Variants in CACNA1G observed in about 807,000 individuals in gnomAD.
The protein encoded by CACNA1G is calcium voltage-gated channel subunit alpha1 G.
Under a neutral mutation model 219.4 loss-of-function variants are expected in CACNA1G, and 67 were observed. The observed-to-expected ratio is 0.31, with a 90% CI of 0.25 to 0.37. CACNA1G has a LOEUF of 0.37. CACNA1G is among the 10% of genes least tolerant of loss of function. The pLI is 1.00. For synonymous variants in CACNA1G, 1,296 were observed against 1,345.3 expected (o/e 0.96, Z 0.80); for missense variants, 2,380 against 3,231.4 (o/e 0.74, Z 6.39).
chr17:50,624,321 C>A, intron 36 of CACNA1G, 39 bp from the exon 37 acceptor site: 3 of 1,411,866 alleles, frequency 2.1e-6, no homozygotes, highest in South Asian at 2.5e-5. Context: ...CAGCTCCATT[C>A]TCTCCCCCCA....
At position 50,617,589 on chromosome 17, in the gene CACNA1G, G is replaced by A. The variant is rs375353165; in HGVS notation, c.5155+18G>A. The A allele has an allele frequency of 8.1e-6, 13 of 1,612,504 alleles. No individual in the cohort carries two copies. The highest frequency in any genetic ancestry group is 1.6e-4 in the Middle Eastern group (1 of 6,082). The stretch of plus-strand genomic sequence containing the variant: ...TGCCCGAGGTTGGTGCCCAGCCCAC[G>A]CACCTGCCCTCCTAGGGTGACCAGC... On this transcript the variant is annotated intron_variant, in intron 29 of 37. Transcript: ENST00000359106. This position sits in a 1 kb window ranked among gnomAD's most constrained non-coding sequence, Gnocchi z 5.8.
At chr17:50,606,602 G>A (rs1453219982) in intron 23 of CACNA1G, 2 of 543,780 alleles carry the variant, frequency 3.7e-6, no homozygotes, top group African/African-American at 3.8e-5. Context: ...TGCTCGCTCA[G>A]TTTTGATTCC....
At chr17:50,624,324 T>TGCCCCCCCCCCCCCCCCCCGGGCCCC in intron 36 of CACNA1G, 36 bp from the exon 37 acceptor site, 1 of 1,177,664 alleles carries the variant, frequency 8.5e-7, no homozygotes, top group Non-Finnish European at 1.2e-6. Context: ...CTCCATTCTC[T>TGCCCCCCCCCCCCCCCCCCGGGCCCC]CCCCCCACCC....
chr17:50,569,602 C>A, intron 3 of CACNA1G, 104 bp from the exon 4 acceptor site: 1 of 812,430 alleles, frequency 1.2e-6, no homozygotes. Context: ...AAGAAGGAGT[C>A]AGAGGTCATC....
At position 50,561,242 on chromosome 17, in the gene CACNA1G, C is replaced by G. The variant is rs977020611; in HGVS notation, c.-218C>G. ...AGGGGCGCAGGGGAAGCGGGACTCG[C>G]GCCGGGCGGGGTTTCCCTGCGCCCC... On this transcript the variant is annotated 5_prime_UTR_variant, in exon 1 of 38. Coordinates refer to ENST00000359106, the MANE Select transcript of CACNA1G (RefSeq NM_018896.5). The G allele has an allele frequency of 1.8e-6, 1 of 552,098 alleles. No individual in the cohort carries two copies. 34.2% of individuals were successfully genotyped at this position (552,098 alleles called of 1,614,324 possible).
chr17:50,626,590 C>A lies in CACNA1G; in HGVS notation c.6973C>A (p.Pro2325Thr), dbSNP rs747212445. ...PPESQGPRTPPSPGICLRRRA... is the reference protein window; with the variant it reads ...PPESQGPRTPTSPGICLRRRA... ...CGAGAGCCAAGGTCCTCGGACCCCG[C>A]CCAGCCCTGGTATCTGCCTCCGGAG... Residue 2325 changes from proline (P) to threonine (T), a missense_variant, in exon 38 of 38, where the codon CCC becomes ACC. Physicochemically the swap from Pro to Thr is conservative, Grantham distance 38. Around this residue, in one of 17 missense-constraint regions of CACNA1G, gnomAD observed 672 missense variants for 670.5 expected, o/e 1.00. Transcript: ENST00000359106. The surrounding 1 kb of genome is among the most constrained non-coding windows in gnomAD (Gnocchi z 4.3). 2.5e-6 allele frequency: 4 copies of A among 1,611,814 alleles called. No individual in the cohort carries two copies. In the South Asian group the frequency reaches 4.4e-5, roughly 18 times the overall value.
chr17:50,592,140 TCCAATTGGCTG>T lies in CACNA1G; in HGVS notation c.2910+51_2910+61del, dbSNP rs1316657368. The T allele has an allele frequency of 1.9e-6, 3 of 1,554,026 alleles. No homozygotes were observed. The African/African-American group carries it at 4.1e-5, about 21-fold the overall frequency. ...TCACCCTGCCCACAGCAGTCCCACTTCCAATTGGCTGCCTGTCTTGAGCCTCCTCCCTCTGT... is the reference window on the plus strand; with the variant it reads ...TCACCCTGCCCACAGCAGTCCCACTTCCTGTCTTGAGCCTCCTCCCTCTGT... On this transcript the variant is annotated intron_variant, in intron 13 of 37. Transcript: ENST00000359106.
chr17:50,582,735 T>C (rs532207223), intron 9 of CACNA1G, among the ~76,000 whole-genome samples: 1 of 151,710 alleles, frequency 6.6e-6, no homozygotes, highest in East Asian at 2.0e-4. Context: ...CAGGTGCTAG[T>C]CTAATGTTCT....
intron 28 of CACNA1G, 40 bp downstream of exon 28, chr17:50,616,424 A>T: frequency 2.6e-6 from 3 of 1,171,270 alleles, no homozygotes; most frequent in Non-Finnish European, 3.8e-6. Flanking sequence ...TTGCGTAGAG[A>T]TAGAAAGGAA....
At chr17:50,591,282 G>T (rs1161049037) in intron 10 of CACNA1G, among the ~76,000 whole-genome samples, 153 bp from the exon 11 acceptor site, 1 of 152,170 alleles carries the variant, frequency 6.6e-6, no homozygotes. Context: ...TATCTTGGAG[G>T]CTCCTGCTTA....
rs2050855894 is a variant in CACNA1G, at chr17:50,617,601, C to T, written c.5155+30C>T. 2.5e-6 allele frequency: 4 copies of T among 1,608,624 alleles called. No homozygotes were observed. The highest frequency in any genetic ancestry group is 1.1e-5 in the South Asian group (1 of 90,556). ...GTGCCCAGCCCACGCACCTGCCCTC[C>T]TAGGGTGACCAGCCCAGGGAGAGAG... On this transcript the variant is annotated intron_variant, in intron 29 of 37. Transcript: ENST00000359106. This position sits in a 1 kb window ranked among gnomAD's most constrained non-coding sequence, Gnocchi z 5.8.
Position 50,578,260 on chromosome 17 carries a change from G to A in CACNA1G, c.1997G>A (p.Ser666Asn), listed in dbSNP as rs757313737. ...KADSGACGPD[S>N]CPYCARAGAG... ...GACAGTGGAGCCTGTGGTCCAGACA[G>A]CTGCCCCTACTGTGCCCGGGCCGGG... Residue 666 changes from serine to asparagine, a missense_variant, in exon 9 of 38, where the codon AGC becomes AAC. Coordinates refer to ENST00000359106, the MANE Select transcript of CACNA1G (RefSeq NM_018896.5). The surrounding 1 kb of genome is among the most constrained non-coding windows in gnomAD (Gnocchi z 4.5). The A allele has an allele frequency of 1.2e-6, 2 of 1,612,492 alleles. No homozygotes were observed. The highest frequency in any genetic ancestry group is 1.7e-6 in the Non-Finnish European group (2 of 1,179,512).
intron 23 of CACNA1G, 75 bp downstream of exon 23, chr17:50,606,098 T>C (rs2047899305): frequency 6.3e-7 from 1 of 1,588,462 alleles, no homozygotes; most frequent in East Asian, 2.2e-5. Context: ...TAGTGATACC[T>C]GCTGACTCCG....
chr17:50,594,636 C>T (rs180997079), intron 13 of CACNA1G, among the ~76,000 whole-genome samples: 2 of 152,262 alleles, frequency 1.3e-5, no homozygotes, highest in African/African-American at 4.8e-5. Flanking sequence ...GATCCTGGAA[C>T]CCACTTCCTA....
Position 50,623,605 on chromosome 17 carries a change from A to G in CACNA1G, c.6061-302A>G, listed in dbSNP as rs57124579. On this transcript the variant is annotated intron_variant, in intron 35 of 37. Transcript: ENST00000359106. ...GATACCTCCCCGCCCCTCCACCACC[A>G]CAGTGGGAGCTTAAAGGTGATACAA... 0.051 allele frequency among the ~76,000 whole-genome samples: 7,709 copies of G among 151,606 alleles called. 297 individuals carry two copies. The highest frequency in any genetic ancestry group is 0.096 in the African/African-American group (3,976 of 41,322).
rs1048428374 is a variant in CACNA1G at position 50,561,366 on chromosome 17, C to T, written c.-94C>T. 6 of 1,497,938 alleles carry T rather than the reference C, an allele frequency of 4.0e-6. No individual in the cohort carries two copies. The African/African-American group carries it at 5.6e-5, about 14-fold the overall frequency. The allele number at this position is 1,497,938 out of a possible 1,614,324, so 92.8% of individuals were successfully genotyped here. A position where few individuals can be genotyped will look rare whatever the true frequency, so the allele number is the denominator to read the frequency against. On this transcript the variant is annotated 5_prime_UTR_variant, in exon 1 of 38. Transcript: ENST00000359106. ...GCGCCCTAGAGCCCACCAGATGTGC[C>T]CCCGCCGGGGCCCCCGGGTTGCGTG...
In CACNA1G at chr17:50,602,991, C is replaced by T. The variant is rs771497003; in HGVS notation, c.3985-24C>T. 3.3e-5 allele frequency: 53 copies of T among 1,609,546 alleles called. No individual in the cohort carries two copies. The Admixed American group carries it at 7.3e-4, about 22-fold the overall frequency. On this transcript the variant is annotated intron_variant, in intron 20 of 37. Coordinates refer to ENST00000359106, the MANE Select transcript of CACNA1G (RefSeq NM_018896.5). ...TTGGCTGCAGCGCAGGGAGGGCGGCCGATGACGTGGCGGTGGTCCCCAGGT... is the reference window on the plus strand; with the variant it reads ...TTGGCTGCAGCGCAGGGAGGGCGGCTGATGACGTGGCGGTGGTCCCCAGGT...
chr17:50,590,439 C>G (rs777669417), intron 9 of CACNA1G, 32 bp from the exon 10 acceptor site: 146 of 1,611,924 alleles, frequency 9.1e-5, no homozygotes, highest in Non-Finnish European at 1.2e-4. Flanking sequence ...CAGTGATAAG[C>G]CAGCTGCCTC....
chr17:50,590,347 C>A, intron 9 of CACNA1G, 124 bp from the exon 10 acceptor site: 1 of 1,097,330 alleles, frequency 9.1e-7, no homozygotes, highest in Non-Finnish European at 1.3e-6. Flanking sequence ...CCTGAGCATC[C>A]AGCAACCCCT....
Sources: allele counts gnomAD v4.1 joint callset (sites outside exome capture counted in the v4.1 genomes callset), GRCh38; gene constraint gnomAD v4.1.1; regional missense constraint gnomAD v4.1.1; non-coding constraint Gnocchi (gnomAD v3.1); transcripts MANE v1.5; gene names NCBI Gene and HGNC (gene_info 2026-07-23, HGNC 2026-07-21).